The following SACS variants were observed in gnomAD, a reference collection of about 807,000 sequenced individuals.
SACS encodes sacsin.
In SACS, 197 loss-of-function variants were observed where a neutral mutation model predicts 348.0. The observed-to-expected ratio is 0.57, with a 90% CI of 0.50 to 0.64. The LOEUF (loss-of-function observed/expected upper bound fraction) is 0.64, where lower values mean the gene tolerates loss of function less well. Ranked by LOEUF, SACS falls within the 30% of genes least tolerant of loss-of-function variation. SACS has a pLI of 0.00. For synonymous variants in SACS, 1,985 were observed against 1,910.6 expected, an observed-to-expected ratio of 1.04 and a Z score of -1.02; for missense variants, 4,999 against 5,360.8, an observed-to-expected ratio of 0.93 and a Z score of 2.11.
intron 2 of SACS, among the ~76,000 whole-genome samples, chr13:23,402,299 G>A (rs1873013254): frequency 6.6e-6 from 1 of 152,012 alleles, no homozygotes; most frequent in Non-Finnish European, 1.5e-5. Context: ...ACTAATAAAT[G>A]ATGACAATGG....
At position 23,365,247 on chromosome 13, in the gene SACS, C is replaced by A; in HGVS notation, c.376G>T (p.Ala126Ser). 1 of 1,610,144 alleles carries A rather than the reference C, an allele frequency of 6.2e-7. No homozygotes were observed. The highest frequency in any genetic ancestry group is 8.5e-7 in the Non-Finnish European group (1 of 1,178,376). ...TCATATAAAAATTTAACTTCTGTCG[C>A]CCCAGCATCTTCTGCATTCTGAATT... ...ELIQNAEDAGATEVKFLYDET... is the reference protein window; with the variant it reads ...ELIQNAEDAGSTEVKFLYDET... The change falls in exon 6 of 10, where the codon GCG (alanine) becomes TCG (serine). Residue 126 changes from alanine (A) to serine (S), a missense_variant. Ala to Ser is a moderately conservative substitution (Grantham distance 99). Coordinates refer to ENST00000382292, the MANE Select transcript of SACS (RefSeq NM_014363.6).
rs2137639334 is a variant in SACS at position 23,340,912 on chromosome 13, G to C, written c.2964C>G (p.Thr988=). 1 of 1,613,520 alleles carries C rather than the reference G, an allele frequency of 6.2e-7. No individual in the cohort carries two copies. Among genetic ancestry groups the C allele is most frequent in the Middle Eastern group, 1.7e-4 (1 of 6,060 alleles). The change falls in exon 10 of 10, where the codon ACC becomes ACG. Residue 988 remains threonine, a synonymous_variant. Transcript: ENST00000382292. The part of the protein sequence containing the change: ...ANMLKIEQLK[T]TSCLKLVLKD... Reference sequence around the variant, plus strand: ...TTAAAACAAGCTTTAAGCAGCTAGTGGTCTTTAACTGTTCTATTTTCAACA... The same window carrying C: ...TTAAAACAAGCTTTAAGCAGCTAGTCGTCTTTAACTGTTCTATTTTCAACA...
At chr13:23,423,388 A>G (rs1874033290) in intron 1 of SACS, among the ~76,000 whole-genome samples, 1 of 152,120 alleles carries the variant, frequency 6.6e-6, no homozygotes, top group Non-Finnish European at 1.5e-5. Flanking sequence ...TCCATAGGCT[A>G]TTAGGCCTAT....
rs771787080 is a variant in SACS, at chr13:23,330,659, G to A, written c.13217C>T (p.Thr4406Met). The part of the protein sequence containing the change: ...RFYTSWNQEA[T>M]SHKSERQQQN... ...TTGCTGTCTTTCAGATTTATGGCTC[G>A]TTGCTTCTTGATTCCATGAAGTATA... The change falls in exon 10 of 10, where the codon ACG (threonine) becomes ATG (methionine). Residue 4406 changes from threonine to methionine, a missense_variant. Coordinates refer to ENST00000382292, the MANE Select transcript of SACS (RefSeq NM_014363.6). 1.5e-5 allele frequency: 24 copies of A among 1,611,058 alleles called. No homozygotes were observed. Among genetic ancestry groups the A allele is most frequent in the Non-Finnish European group, 1.9e-5 (22 of 1,179,602 alleles).
At chr13:23,366,347 C>T (rs1871060614) in intron 5 of SACS, among the ~76,000 whole-genome samples, 1 of 152,164 alleles carries the variant, frequency 6.6e-6, no homozygotes, top group Admixed American at 6.5e-5. Flanking sequence ...GTGTGGTACC[C>T]ACCAGCTGTT....
intron 8 of SACS, 50 bp from the exon 9 acceptor site, chr13:23,353,926 G>C (rs748454406): frequency 4.6e-6 from 5 of 1,081,308 alleles, no homozygotes; most frequent in Non-Finnish European, 7.2e-6. Flanking sequence ...ACAATTCCAA[G>C]ATTTTAAAAA....
rs1337419763 is a variant in SACS at position 23,355,116 on chromosome 13, T to A, written c.1496A>T (p.Asn499Ile). 1.9e-6 allele frequency: 3 copies of A among 1,614,192 alleles called. No homozygotes were observed. In the South Asian group the frequency reaches 3.3e-5, roughly 18 times the overall value. Reference sequence around the variant, plus strand: ...AGTAGCATAAGCTTTGGGGACAACATTCATGACAAGAAACTCATTCCATAA... The same window carrying A: ...AGTAGCATAAGCTTTGGGGACAACAATCATGACAAGAAACTCATTCCATAA... Reference protein sequence around the residue: ...AALWNEFLVMNVVPKAYATLI... With the variant: ...AALWNEFLVMIVVPKAYATLI... Residue 499 changes from asparagine to isoleucine, a missense_variant, in exon 8 of 10, where the codon AAT becomes ATT. Asn to Ile is a moderately radical substitution (Grantham distance 149). Transcript: ENST00000382292.
At chr13:23,348,295 T>C (rs1293237901) in intron 9 of SACS, among the ~76,000 whole-genome samples, 1 of 152,248 alleles carries the variant, frequency 6.6e-6, no homozygotes, top group East Asian at 1.9e-4. Context: ...CAGGCTCTAT[T>C]ATCTCATGGT....
chr13:23,432,450 G>A (rs1356900662), intron 1 of SACS, among the ~76,000 whole-genome samples: 2 of 152,166 alleles, frequency 1.3e-5, no homozygotes, highest in African/African-American at 4.8e-5. Flanking sequence ...GGCTAAGGAG[G>A]ATAGAGGAAA....
intron 2 of SACS, among the ~76,000 whole-genome samples, chr13:23,390,019 A>G (rs1428474953): frequency 1.4e-5 from 2 of 139,424 alleles, no homozygotes; most frequent in Non-Finnish European, 3.3e-5. Flanking sequence ...CAAATTTTCA[A>G]TGGATTTGGT....
Position 23,347,343 on chromosome 13 carries a change from T to C in SACS, c.2186-5653A>G, listed in dbSNP as rs140451781. ...CTTGTCCATGGTAACCAACAATAAT[T>C]ACAAACTTCTAAGAATTGTTCCACG... is the stretch of plus-strand genomic sequence containing the variant. On this transcript the variant is annotated intron_variant, in intron 9 of 9. Coordinates refer to ENST00000382292, the MANE Select transcript of SACS (RefSeq NM_014363.6). Among the ~76,000 whole-genome samples, 1,119 of 152,212 alleles carry C rather than the reference T, an allele frequency of 7.4e-3. 11 individuals carry two copies. Among genetic ancestry groups the C allele is most frequent in the African/African-American group, 0.025 (1,052 of 41,540 alleles).
Position 23,340,487 on chromosome 13 carries a change from G to A in SACS, c.3389C>T (p.Thr1130Ile), listed in dbSNP as rs1360780952. The change falls in exon 10 of 10, where the codon ACC becomes ATC. Residue 1130 changes from threonine (T) to isoleucine (I), a missense_variant. By Grantham distance (89) the Thr-to-Ile change is moderately conservative. This residue lies in a region of SACS where 3,156 missense variants were observed against 3,380.1 expected (regional missense o/e 0.93). Coordinates refer to ENST00000382292, the MANE Select transcript of SACS (RefSeq NM_014363.6). ...ATTCTTATTTAAAACCAGTAAGAGG[G>A]TTTTGGCTTTCTTCAGAAGAACATC... ...DQDVLLKKAK[T>I]LLLVLNKNHT... is the part of the protein sequence containing the mutation. 1.2e-6 allele frequency: 2 copies of A among 1,612,076 alleles called. No homozygotes were observed. The highest frequency in any genetic ancestry group is 1.7e-6 in the Non-Finnish European group (2 of 1,179,370).
chr13:23,372,393 C>T (rs2709229), intron 3 of SACS, among the ~76,000 whole-genome samples: 133,255 of 152,212 alleles, frequency 0.88, 58,417 homozygotes, highest in East Asian at 1. Flanking sequence ...GAAGGAGCAA[C>T]GTGCCCAGCA....
chr13:23,392,535 T>G (rs1197400499), intron 2 of SACS, among the ~76,000 whole-genome samples: 1 of 152,218 alleles, frequency 6.6e-6, no homozygotes, highest in Non-Finnish European at 1.5e-5. Flanking sequence ...CAACAATGGT[T>G]GCCTTTTCTC....
Position 23,336,121 on chromosome 13 carries a change from C to A in SACS, c.7755G>T (p.Gly2585=). Reference sequence around the variant, plus strand: ...GGTTGTTGTACACACAAAGTGCTGGCCCTTGCAATGGGGCCCACTTATCAT... The same window carrying A: ...GGTTGTTGTACACACAAAGTGCTGGACCTTGCAATGGGGCCCACTTATCAT... ...IFDDKWAPLQ[G]PALCVYNNQP... is the part of the protein sequence containing the mutation. Residue 2585 remains glycine (G), a synonymous_variant, in exon 10 of 10, where the codon GGG becomes GGT. Coordinates refer to ENST00000382292, the MANE Select transcript of SACS (RefSeq NM_014363.6). The A allele has an allele frequency of 3.7e-6, 6 of 1,612,780 alleles. No individual in the cohort carries two copies. The highest frequency in any genetic ancestry group is 5.1e-6 in the Non-Finnish European group (6 of 1,179,056).
intron 9 of SACS, 71 bp from the exon 10 acceptor site, chr13:23,341,761 A>C: frequency 8.0e-7 from 1 of 1,253,506 alleles, no homozygotes; most frequent in Non-Finnish European, 1.2e-6. Context: ...TCTCACAAAT[A>C]ACACAGTACT....
chr13:23,409,144 C>T (rs1019573574), intron 2 of SACS, among the ~76,000 whole-genome samples: 1 of 127,618 alleles, frequency 7.8e-6, no homozygotes, highest in Non-Finnish European at 1.6e-5. Context: ...GCAAGCTCCG[C>T]CTCCCAGCTT....
chr13:23,381,355 G>GAACACACACA (rs1872046158), intron 2 of SACS, among the ~76,000 whole-genome samples: 1 of 139,976 alleles, frequency 7.1e-6, no homozygotes, highest in African/African-American at 2.7e-5. Flanking sequence ...GCAGCACGAA[G>GAACACACACA]CACACACACA....
At chr13:23,369,012 C>G (rs960910672) in intron 4 of SACS, among the ~76,000 whole-genome samples, 3 of 152,158 alleles carry the variant, frequency 2.0e-5, no homozygotes, top group Non-Finnish European at 4.4e-5. Context: ...AGATTTTTAA[C>G]TGAACTACAA....
Sources: gnomAD v4.1 joint callset for allele counts (sites outside exome capture counted in the v4.1 genomes callset) on GRCh38, gnomAD v4.1.1 for gene constraint, gnomAD v4.1.1 regional missense constraint, MANE v1.5 for transcripts, NCBI Gene and HGNC (gene_info 2026-07-23, HGNC 2026-07-21) for gene names.